Variants in CSMD1 observed in about 807,000 individuals in gnomAD.
CSMD1 encodes the protein CUB and Sushi multiple domains 1.
A neutral mutation model predicts 417.5 loss-of-function variants in CSMD1; 213 were observed. That is an observed-to-expected ratio of 0.51 (90% CI 0.46 to 0.57). The LOEUF (loss-of-function observed/expected upper bound fraction) is 0.57, where lower values mean the gene tolerates loss of function less well. CSMD1 is among the 20% of genes least tolerant of loss of function. CSMD1 has a pLI of 0.00. For missense variants in CSMD1, 6,923 were observed against 4,529.7 expected (o/e 1.53, Z -15.17); for synonymous variants, 2,862 against 1,736.8 (o/e 1.65, Z -16.11).
intron 26 of CSMD1, among the ~76,000 whole-genome samples, chr8:3,233,830 C>T (rs890669414): frequency 2.6e-5 from 4 of 151,388 alleles, no homozygotes; most frequent in African/African-American, 4.9e-5. Flanking sequence ...CATTAGATTA[C>T]AGGATCTGCC....
chr8:4,815,181 A>T (rs1271721210), intron 1 of CSMD1, among the ~76,000 whole-genome samples: 1 of 152,144 alleles, frequency 6.6e-6, no homozygotes, highest in Non-Finnish European at 1.5e-5. Context: ...CTCCAGATCA[A>T]TAGATTTGAA....
chr8:3,950,891 T>C (rs910804042), intron 5 of CSMD1, among the ~76,000 whole-genome samples: 1 of 152,172 alleles, frequency 6.6e-6, no homozygotes, highest in South Asian at 2.1e-4. Context: ...TTTCAAAGAA[T>C]ACTTAATAAA....
chr8:3,499,049 T>C (rs1029662640), intron 10 of CSMD1, among the ~76,000 whole-genome samples: 1 of 152,230 alleles, frequency 6.6e-6, no homozygotes, highest in Non-Finnish European at 1.5e-5. Context: ...GGGGGTGTCA[T>C]GTTTCTTGCT....
At chr8:3,067,469 T>G (rs538354376) in intron 49 of CSMD1, among the ~76,000 whole-genome samples, 2 of 152,040 alleles carry the variant, frequency 1.3e-5, no homozygotes, top group Non-Finnish European at 2.9e-5. Flanking sequence ...AGCAGAAACA[T>G]TGAATGATTT....
At chr8:4,748,589 TCA>T (rs1811105989) in intron 1 of CSMD1, among the ~76,000 whole-genome samples, 1 of 152,216 alleles carries the variant, frequency 6.6e-6, no homozygotes, top group South Asian at 2.1e-4. Context: ...CTGAGAAGAC[TCA>T]CGGGGAGAAA....
intron 12 of CSMD1, among the ~76,000 whole-genome samples, chr8:3,462,814 TG>T (rs1162863864): frequency 1.3e-5 from 2 of 152,176 alleles, no homozygotes; most frequent in South Asian, 2.1e-4. Flanking sequence ...AAGAACCTGA[TG>T]TGGTCTGACT....
At chr8:3,291,965 G>T (rs1018165390) in intron 25 of CSMD1, among the ~76,000 whole-genome samples, 3 of 151,712 alleles carry the variant, frequency 2.0e-5, no homozygotes, top group African/African-American at 7.3e-5. Flanking sequence ...TGGGCATTTA[G>T]TGCTATAAAT....
At chr8:3,813,876 G>GAAAGTGA (rs1801224633) in intron 5 of CSMD1, among the ~76,000 whole-genome samples, 1 of 152,162 alleles carries the variant, frequency 6.6e-6, no homozygotes, top group South Asian at 2.1e-4. Context: ...AAAAAGAAGA[G>GAAAGTGA]AAAGTGATCG....
chr8:4,760,852 G>A (rs1468017461), intron 1 of CSMD1, among the ~76,000 whole-genome samples: 1 of 152,170 alleles, frequency 6.6e-6, no homozygotes, highest in Non-Finnish European at 1.5e-5. Context: ...TAATCATAAT[G>A]CCTGTAATAT....
At chr8:3,451,001 G>A (rs1216547805) in intron 12 of CSMD1, among the ~76,000 whole-genome samples, 1 of 152,134 alleles carries the variant, frequency 6.6e-6, no homozygotes, top group East Asian at 1.9e-4. Flanking sequence ...TCTAATGACT[G>A]CCATTCTAAC....
intron 49 of CSMD1, among the ~76,000 whole-genome samples, chr8:3,061,215 C>T (rs1345166654): frequency 2.6e-5 from 4 of 152,114 alleles, no homozygotes; most frequent in Non-Finnish European, 5.9e-5. Flanking sequence ...TCACCCATAC[C>T]TCCTCAGCAG....
At chr8:3,437,978 T>C (rs1814684978) in intron 12 of CSMD1, among the ~76,000 whole-genome samples, 1 of 152,098 alleles carries the variant, frequency 6.6e-6, no homozygotes, top group South Asian at 2.1e-4. Flanking sequence ...TGACCTCAGA[T>C]GATCCGCTCA....
intron 1 of CSMD1, among the ~76,000 whole-genome samples, chr8:4,895,990 C>T (rs1421112041): frequency 6.6e-6 from 1 of 152,006 alleles, no homozygotes; most frequent in Non-Finnish European, 1.5e-5. Flanking sequence ...TTCTTGCCAT[C>T]CTCCCCTAAC....
intron 25 of CSMD1, among the ~76,000 whole-genome samples, chr8:3,291,166 G>C (rs1343067860): frequency 6.6e-6 from 1 of 152,098 alleles, no homozygotes; most frequent in African/African-American, 2.4e-5. Context: ...TGCATCCCAG[G>C]GATGAAACCC....
intron 69 of CSMD1, among the ~76,000 whole-genome samples, chr8:2,941,774 A>G (rs146719793): frequency 1.3e-3 from 200 of 152,358 alleles, no homozygotes; most frequent in African/African-American, 4.5e-3. Context: ...TTTGTTGAAG[A>G]AAGAAATCAA....
intron 3 of CSMD1, among the ~76,000 whole-genome samples, chr8:4,407,759 G>C (rs1396071696): frequency 1.3e-5 from 2 of 152,156 alleles, no homozygotes; most frequent in African/African-American, 2.4e-5. Context: ...TTTAAAAACA[G>C]TCAAGTAAAT....
intron 50 of CSMD1, among the ~76,000 whole-genome samples, chr8:3,048,182 C>A (rs1023753808): frequency 6.6e-6 from 1 of 152,030 alleles, no homozygotes; most frequent in Non-Finnish European, 1.5e-5. Context: ...AGGACACTGA[C>A]CTAAAATCAA....
At chr8:4,324,349 T>C (rs1314050132) in intron 3 of CSMD1, among the ~76,000 whole-genome samples, 1 of 152,170 alleles carries the variant, frequency 6.6e-6, no homozygotes, top group Non-Finnish European at 1.5e-5. Flanking sequence ...GGTCCTGTAG[T>C]AGCAGCCATT....
chr8:3,631,147 C>A (rs1196075170), intron 7 of CSMD1, among the ~76,000 whole-genome samples: 1 of 152,198 alleles, frequency 6.6e-6, no homozygotes, highest in Non-Finnish European at 1.5e-5. Context: ...AAATGGCCCT[C>A]CCTGTGCACC....
Sources: gnomAD v4.1 joint callset for allele counts (sites outside exome capture counted in the v4.1 genomes callset) on GRCh38, gnomAD v4.1.1 for gene constraint, MANE v1.5 for transcripts, NCBI Gene and HGNC (gene_info 2026-07-23, HGNC 2026-07-21) for gene names.